The following PTPN3 variants were observed in gnomAD, a reference collection of about 807,000 sequenced individuals.
PTPN3 encodes tyrosine-protein phosphatase non-receptor type 3.
Under a neutral mutation model 132.7 loss-of-function variants are expected in PTPN3, and 96 were observed. The observed-to-expected ratio is 0.72, with a 90% CI of 0.61 to 0.86. The LOEUF (loss-of-function observed/expected upper bound fraction) is 0.86. Among genes scored for constraint, PTPN3 ranks in the 40% least tolerant of loss-of-function variants. The pLI is 0.00. For missense variants in PTPN3, 1,125 were observed against 1,159.6 expected (o/e 0.97, Z 0.43); for synonymous variants, 398 against 429.0 (o/e 0.93, Z 0.89).
upstream of PTPN3, among the ~76,000 whole-genome samples, chr9:109,499,429 C>A (rs1473246134): frequency 6.6e-6 from 1 of 152,122 alleles, no homozygotes; most frequent in African/African-American, 2.4e-5. Flanking sequence ...TAGGGAACGG[C>A]AAGGAGGCAG....
At chr9:109,421,880 G>A (rs913630551) in intron 13 of PTPN3, among the ~76,000 whole-genome samples, 3 of 152,146 alleles carry the variant, frequency 2.0e-5, no homozygotes, top group Admixed American at 6.5e-5. Context: ...TTACAGCCAC[G>A]CACTCTTACT....
intron 1 of PTPN3, among the ~76,000 whole-genome samples, chr9:109,473,249 T>C (rs1309171199): frequency 6.6e-6 from 1 of 152,186 alleles, no homozygotes; most frequent in African/African-American, 2.4e-5. Context: ...CTACAGACCC[T>C]GTAATTTGTT....
chr9:109,513,044 T>A, the PTPN3 span, among the ~76,000 whole-genome samples: 3 of 152,234 alleles, frequency 2.0e-5, no homozygotes, highest in African/African-American at 4.8e-5. Flanking sequence ...GGTCTCACTC[T>A]GTTGCCCAGA....
At chr9:109,499,897 G>T (rs1294060895), upstream of PTPN3, among the ~76,000 whole-genome samples, 3 of 152,152 alleles carry the variant, frequency 2.0e-5, no homozygotes, top group African/African-American at 2.4e-5. Context: ...ACCTGGAGCC[G>T]CGGCGCCCGC....
intron 5 of PTPN3, chr9:109,449,494 A>C (rs1679149722): frequency 3.0e-6 from 3 of 985,494 alleles, no homozygotes; most frequent in Non-Finnish European, 2.4e-6. Context: ...GTAACTTCCA[A>C]ACTCCAGACC....
chr9:109,497,887 C>A (rs1847746685), intron 1 of PTPN3, among the ~76,000 whole-genome samples: 1 of 150,686 alleles, frequency 6.6e-6, no homozygotes, highest in Admixed American at 6.6e-5. Flanking sequence ...GCCGGACGCA[C>A]GGGCTCCGCG....
At chr9:109,445,198 G>C in intron 7 of PTPN3, 42 bp downstream of exon 7, 1 of 1,585,730 alleles carries the variant, frequency 6.3e-7, no homozygotes, top group Non-Finnish European at 8.7e-7. Context: ...ACACTGATCA[G>C]AACAACCTGT....
the PTPN3 span, among the ~76,000 whole-genome samples, chr9:109,508,412 G>A: frequency 7.1e-4 from 108 of 152,174 alleles, no homozygotes; most frequent in South Asian, 1.2e-3. Context: ...TGCCTGCCTC[G>A]GCCTCCCAAA....
At chr9:109,444,293 T>G (rs1247683231) in intron 7 of PTPN3, among the ~76,000 whole-genome samples, 1 of 152,196 alleles carries the variant, frequency 6.6e-6, no homozygotes, top group Non-Finnish European at 1.5e-5. Flanking sequence ...TTTGCTCTCA[T>G]CTGGCTATAC....
At chr9:109,455,808 C>CAAAT (rs1418068783) in intron 4 of PTPN3, among the ~76,000 whole-genome samples, 2 of 152,210 alleles carry the variant, frequency 1.3e-5, no homozygotes, top group Admixed American at 1.3e-4. Flanking sequence ...CTGTGGGCTC[C>CAAAT]TTGAGGGGAG....
chr9:109,414,323 G>T (rs1007365625), intron 14 of PTPN3, among the ~76,000 whole-genome samples: 14 of 152,354 alleles, frequency 9.2e-5, no homozygotes, highest in Middle Eastern at 3.4e-3. Flanking sequence ...GATTCGGCAG[G>T]CCTGTGTGGG....
chr9:109,508,717 G>GTAGA, the PTPN3 span, among the ~76,000 whole-genome samples: 41,252 of 151,908 alleles, frequency 0.27, 5,808 homozygotes, highest in South Asian at 0.31. Flanking sequence ...TAATCAATCA[G>GTAGA]TAGATAGAAA....
At chr9:109,387,531 G>A (rs571397701) in intron 22 of PTPN3, among the ~76,000 whole-genome samples, 3 of 152,238 alleles carry the variant, frequency 2.0e-5, no homozygotes, top group African/African-American at 4.8e-5. Flanking sequence ...ACTATGCCAC[G>A]TGGAGCACCC....
intron 13 of PTPN3, 26 bp downstream of exon 13, chr9:109,422,692 C>CAAAAA: frequency 6.9e-7 from 1 of 1,441,850 alleles, no homozygotes; most frequent in Non-Finnish European, 9.3e-7. Flanking sequence ...TTGGGTAGTA[C>CAAAAA]AAAAAAAAAA....
chr9:109,379,419 T>C lies in PTPN3; in HGVS notation c.*137A>G. On this transcript the variant is annotated 3_prime_UTR_variant, in exon 26 of 26. Coordinates refer to ENST00000374541, the MANE Select transcript of PTPN3 (RefSeq NM_002829.4). ...GTACACGATATCTTTTCTATAGAAGTTTAAAGTGCCTGGGTTCAGAGGTGC... is the reference window on the plus strand; with the variant it reads ...GTACACGATATCTTTTCTATAGAAGCTTAAAGTGCCTGGGTTCAGAGGTGC... 1 of 702,186 alleles carries C rather than the reference T, an allele frequency of 1.4e-6. No individual in the cohort carries two copies. The highest frequency in any genetic ancestry group is 2.4e-6 in the Non-Finnish European group (1 of 409,818). The allele number at this position is 702,186 out of a possible 1,614,324, so 43.5% of individuals were successfully genotyped here. A position where few individuals can be genotyped will look rare whatever the true frequency, so the allele number is the denominator to read the frequency against.
At position 109,452,954 on chromosome 9, in the gene PTPN3, G is replaced by A. The variant is rs192069501; in HGVS notation, c.368+1542C>T. Among the ~76,000 whole-genome samples, 72 of 152,188 alleles carry A rather than the reference G, an allele frequency of 4.7e-4. No individual in the cohort carries two copies. In the South Asian group the frequency reaches 0.012, roughly 26 times the overall value. ...AGATTTCATCACCAGCTCTGTGTCC[G>A]TCAGCTTATGAAGTAACCTGCTGGG... On this transcript the variant is annotated intron_variant, in intron 5 of 25. Coordinates refer to ENST00000374541, the MANE Select transcript of PTPN3 (RefSeq NM_002829.4).
chr9:109,419,411 G>C (rs139286428), intron 14 of PTPN3, among the ~76,000 whole-genome samples: 16 of 152,184 alleles, frequency 1.1e-4, no homozygotes, highest in Admixed American at 1.3e-4. Context: ...ATCCTCAGCT[G>C]TTAGGGGGGC....
In PTPN3 at chr9:109,410,424, T is replaced by C. The variant is rs1161622004; in HGVS notation, c.1314-9A>G. 1.9e-6 allele frequency: 3 copies of C among 1,613,406 alleles called. No homozygotes were observed. The highest frequency in any genetic ancestry group is 2.2e-5 in the East Asian group (1 of 44,874). ...TGTTCTCGGATAAACTCCTTCATCA[T>C]GGGGAAGGAGGAGATATTAATAACT... is the stretch of plus-strand genomic sequence containing the variant. On this transcript the variant is annotated splice_polypyrimidine_tract_variant and intron_variant, in intron 14 of 25. Coordinates refer to ENST00000374541, the MANE Select transcript of PTPN3 (RefSeq NM_002829.4).
rs1843522141 is a variant in PTPN3 at position 109,429,639 on chromosome 9, C to T, written c.765-955G>A. The stretch of plus-strand genomic sequence containing the variant: ...AAACAGTATTTGCAGGATGCGAAAC[C>T]CACATATACAAAGGGCTGGCTTTTC... On this transcript the variant is annotated intron_variant, in intron 10 of 25. Transcript: ENST00000374541. Among the ~76,000 whole-genome samples the T allele has an allele frequency of 2.6e-5, 4 of 152,166 alleles. 1 individual carries two copies. The highest frequency in any genetic ancestry group is 2.6e-4 in the Admixed American group (4 of 15,274).
Sources: gnomAD v4.1 joint callset for allele counts (sites outside exome capture counted in the v4.1 genomes callset) on GRCh38, gnomAD v4.1.1 for gene constraint, MANE v1.5 for transcripts, NCBI Gene and HGNC (gene_info 2026-07-23, HGNC 2026-07-21) for gene names.